AGAP3: variants seen among roughly 807,000 people sequenced by gnomAD.
The protein encoded by AGAP3 is arf-GAP with GTPase, ANK repeat and PH domain-containing protein 3.
Under a neutral mutation model 96.9 loss-of-function variants are expected in AGAP3, and 24 were observed. That is an observed-to-expected ratio of 0.25 (90% CI 0.18 to 0.35). The LOEUF is 0.35. Among genes scored for constraint, AGAP3 ranks in the 10% least tolerant of loss-of-function variants. The pLI, the probability that AGAP3 is intolerant of heterozygous loss-of-function variation, is 1.00. For synonymous variants in AGAP3, 563 were observed against 536.1 expected, an observed-to-expected ratio of 1.05 and a Z score of -0.69; for missense variants, 876 against 1,254.2, an observed-to-expected ratio of 0.70 and a Z score of 4.55.
intron 8 of AGAP3, chr7:151,122,733 C>T: frequency 1.9e-6 from 3 of 1,613,876 alleles, no homozygotes; most frequent in Non-Finnish European, 2.5e-6. Flanking sequence ...AGATATGTGC[C>T]ACTGTTTCCA....
chr7:151,119,940 C>A, intron 7 of AGAP3, 47 bp from the exon 8 acceptor site: 1 of 1,601,242 alleles, frequency 6.2e-7, no homozygotes, highest in Non-Finnish European at 8.5e-7. Flanking sequence ...TGGTGCCCGT[C>A]CCGCCCCTGA....
intron 1 of AGAP3, among the ~76,000 whole-genome samples, chr7:151,107,628 A>AT (rs112804423): frequency 1.6e-4 from 23 of 148,372 alleles, no homozygotes; most frequent in Non-Finnish European, 2.2e-4. Flanking sequence ...TCTCAAAAAA[A>AT]TTTTTTTTTT....
In AGAP3 at chr7:151,089,175, C is replaced by A. The variant is rs565503910; in HGVS notation, c.331+2103C>A. Among the ~76,000 whole-genome samples, 23 of 151,776 alleles carry A rather than the reference C, an allele frequency of 1.5e-4. No homozygotes were observed. The East Asian group carries it at 1.5e-3, about 10-fold the overall frequency. On this transcript the variant is annotated intron_variant, in intron 1 of 17. Transcript: ENST00000397238. Reference sequence around the variant, plus strand: ...GGCAGTCTTCAAAAGAAAAAAAAAACCACTCCTTCTCCAGTTTCTGCCCTA... The same window carrying A: ...GGCAGTCTTCAAAAGAAAAAAAAAAACACTCCTTCTCCAGTTTCTGCCCTA...
Position 151,086,604 on chromosome 7 carries a change from G to A in AGAP3, c.-138G>A, listed in dbSNP as rs1798153945. 1 of 148,690 alleles carries A rather than the reference G, an allele frequency of 6.7e-6. No individual in the cohort carries two copies. The highest frequency in any genetic ancestry group is 6.8e-5 in the Admixed American group (1 of 14,728). 9.2% of individuals were successfully genotyped at this position (148,690 alleles called of 1,614,324 possible). A position where few individuals can be genotyped will look rare whatever the true frequency, so the allele number is the denominator to read the frequency against. On this transcript the variant is annotated 5_prime_UTR_variant, in exon 1 of 18. The change abolishes an upstream ATG in the 5' untranslated region. Transcript: ENST00000397238. ...TCCGGCCCCCGGCCCCCGGCTCCATGCGCTAGCCCCGCGCCGCCAGCCCAG... is the reference window on the plus strand; with the variant it reads ...TCCGGCCCCCGGCCCCCGGCTCCATACGCTAGCCCCGCGCCGCCAGCCCAG...
chr7:151,130,060 C>T (rs899314837), intron 10 of AGAP3, among the ~76,000 whole-genome samples: 1 of 152,246 alleles, frequency 6.6e-6, no homozygotes, highest in African/African-American at 2.4e-5. Context: ...GTGCCCTCTG[C>T]TCATGTCCAG....
At chr7:151,089,420 CG>C in intron 1 of AGAP3, among the ~76,000 whole-genome samples, 1 of 151,970 alleles carries the variant, frequency 6.6e-6, no homozygotes, top group African/African-American at 2.4e-5. Flanking sequence ...AGCTGGGAGC[CG>C]GGTCCTGTGT....
intron 1 of AGAP3, among the ~76,000 whole-genome samples, chr7:151,111,586 AC>A (rs1336745795): frequency 2.1e-5 from 3 of 140,062 alleles, no homozygotes; most frequent in South Asian, 2.3e-4. Context: ...CCGGCCCCTC[AC>A]CCCCCTGTGC....
intron 8 of AGAP3, 196 bp from the exon 9 acceptor site, chr7:151,123,598 C>T: frequency 1.4e-6 from 2 of 1,432,014 alleles, no homozygotes; most frequent in Non-Finnish European, 1.8e-6. Context: ...CTGTGCTGCT[C>T]TGTATGGTGC....
chr7:151,087,180 G>A, intron 1 of AGAP3, 108 bp downstream of exon 1: 1 of 1,240,734 alleles, frequency 8.1e-7, no homozygotes, highest in Non-Finnish European at 1.1e-6. Flanking sequence ...GGGGGTCCTT[G>A]CGCGCTTGAG....
At chr7:151,116,604 T>C in intron 1 of AGAP3, 189 bp from the exon 2 acceptor site, 1 of 642,430 alleles carries the variant, frequency 1.6e-6, no homozygotes, top group South Asian at 1.8e-5. Context: ...ATCCTTACTC[T>C]GCTTCACTCA....
intron 8 of AGAP3, among the ~76,000 whole-genome samples, chr7:151,121,729 G>A (rs552114540): frequency 1.1e-4 from 16 of 152,148 alleles, no homozygotes; most frequent in Admixed American, 3.3e-4. Flanking sequence ...TCACAGCGGC[G>A]ACCTTATATT....
intron 1 of AGAP3, among the ~76,000 whole-genome samples, chr7:151,097,815 A>G (rs895346311): frequency 6.6e-6 from 1 of 152,218 alleles, no homozygotes; most frequent in African/African-American, 2.4e-5. Flanking sequence ...ACATTTCAAC[A>G]TGAGATTTGG....
chr7:151,090,726 G>A (rs1371070266), intron 1 of AGAP3, among the ~76,000 whole-genome samples: 1 of 152,156 alleles, frequency 6.6e-6, no homozygotes, highest in Admixed American at 6.5e-5. Context: ...GGCGGATCAC[G>A]AGGTCAGGAG....
Position 151,117,369 on chromosome 7 carries a change from A to AG in AGAP3, c.483dup. ...TGGACCTGACTGCGCGCTCTGTCCT[A>AG]GGGGGGCGGTTTAAGAAGGAGATTG... On this transcript the variant is annotated splice_acceptor_variant, in intron 3 of 17. Transcript: ENST00000397238. LOFTEE classifies it high-confidence loss of function. 1 of 1,614,036 alleles carries AG rather than the reference A, an allele frequency of 6.2e-7. No individual in the cohort carries two copies. Among genetic ancestry groups the AG allele is most frequent in the Non-Finnish European group, 8.5e-7 (1 of 1,179,962 alleles).
At position 151,140,098 on chromosome 7, in the gene AGAP3, C is replaced by T; in HGVS notation, c.1786C>T (p.Pro596Ser). ...CACCGGGACCCCCCGACCAGACGGCCCCAGCAGTGCTACTGAAGGTTAGGG... is the reference window on the plus strand; with the variant it reads ...CACCGGGACCCCCCGACCAGACGGCTCCAGCAGTGCTACTGAAGGTTAGGG... The part of the protein sequence containing the change: ...KSTGTPRPDG[P>S]SSATEEAEES... Residue 596 changes from proline to serine, a missense_variant, in exon 13 of 18, where the codon CCC becomes TCC. Transcript: ENST00000397238. This position sits in a 1 kb window ranked among gnomAD's most constrained non-coding sequence, Gnocchi z 5.4. 1 of 1,599,240 alleles carries T rather than the reference C, an allele frequency of 6.3e-7. No homozygotes were observed. The highest frequency in any genetic ancestry group is 1.1e-5 in the South Asian group (1 of 88,402).
At chr7:151,135,728 C>T (rs1017989465) in intron 11 of AGAP3, among the ~76,000 whole-genome samples, 4 of 152,200 alleles carry the variant, frequency 2.6e-5, no homozygotes, top group African/African-American at 7.2e-5. Flanking sequence ...CTGAGATGTA[C>T]CCTATGCAGT....
At chr7:151,129,756 G>A (rs1800332220) in intron 10 of AGAP3, among the ~76,000 whole-genome samples, 1 of 151,628 alleles carries the variant, frequency 6.6e-6, no homozygotes, top group Admixed American at 6.6e-5. Flanking sequence ...GAGGCAATGA[G>A]AGGCAGCCAG....
intron 8 of AGAP3, chr7:151,122,958 C>G: frequency 7.0e-7 from 1 of 1,435,814 alleles, no homozygotes; most frequent in Non-Finnish European, 9.1e-7. Flanking sequence ...CTAGGAGCGC[C>G]GGAGCCCGCG....
chr7:151,097,098 A>G (rs1407423880), intron 1 of AGAP3, among the ~76,000 whole-genome samples: 1 of 152,118 alleles, frequency 6.6e-6, no homozygotes, highest in Non-Finnish European at 1.5e-5. Context: ...CTGATTTTCA[A>G]TTTTCAAGTA....
Sources: allele counts gnomAD v4.1 joint callset (sites outside exome capture counted in the v4.1 genomes callset), GRCh38; gene constraint gnomAD v4.1.1; non-coding constraint Gnocchi (gnomAD v3.1); transcripts MANE v1.5; gene names NCBI Gene and HGNC (gene_info 2026-07-23, HGNC 2026-07-21).